NOL4L: variants seen among roughly 807,000 people sequenced by gnomAD.
The protein encoded by NOL4L is nucleolar protein 4-like.
Under a neutral mutation model 64.5 loss-of-function variants are expected in NOL4L, and 7 were observed. The observed-to-expected ratio is 0.11, with a 90% CI of 0.06 to 0.20. NOL4L has a LOEUF of 0.20. Ranked by LOEUF, NOL4L falls within the 10% of genes least tolerant of loss-of-function variation. NOL4L has a pLI of 1.00. For synonymous variants in NOL4L, 413 were observed against 401.0 expected (o/e 1.03, Z -0.36); for missense variants, 680 against 967.1 (o/e 0.70, Z 3.94).
chr20:32,555,940 CCT>C (rs1978619632), intron 1 of NOL4L, among the ~76,000 whole-genome samples: 1 of 151,918 alleles, frequency 6.6e-6, no homozygotes, highest in African/African-American at 2.4e-5. Context: ...AAGCTGAGAC[CCT>C]GTGAATGCTC....
chr20:32,525,786 C>G (rs2018111038), intron 2 of NOL4L, among the ~76,000 whole-genome samples: 1 of 152,234 alleles, frequency 6.6e-6, no homozygotes, highest in Admixed American at 6.5e-5. Context: ...GAGACAGAGT[C>G]TCACTCTGTC....
chr20:32,551,316 C>T (rs2018798292), intron 1 of NOL4L, among the ~76,000 whole-genome samples: 1 of 152,006 alleles, frequency 6.6e-6, no homozygotes, highest in South Asian at 2.1e-4. Flanking sequence ...GCGGAGGTTG[C>T]AGTGAGCCAA....
chr20:32,529,852 T>C (rs1238012421), intron 1 of NOL4L, among the ~76,000 whole-genome samples: 2 of 152,250 alleles, frequency 1.3e-5, no homozygotes, highest in East Asian at 1.9e-4. Flanking sequence ...TCCAGCTTCC[T>C]CGCTGTGAGA....
chr20:32,538,645 C>T (rs1367897723), intron 1 of NOL4L, among the ~76,000 whole-genome samples: 1 of 152,136 alleles, frequency 6.6e-6, no homozygotes, highest in Non-Finnish European at 1.5e-5. Context: ...TGGGGCTGCT[C>T]CACTCTGGGA....
At chr20:32,472,529 T>C (rs1008401951) in intron 5 of NOL4L, among the ~76,000 whole-genome samples, 1 of 152,136 alleles carries the variant, frequency 6.6e-6, no homozygotes, top group African/African-American at 2.4e-5. Context: ...CTTGACTCAC[T>C]CATGGGAGCT....
chr20:32,456,431 AG>A, intron 5 of NOL4L, 36 bp from the exon 6 acceptor site: 1 of 1,435,742 alleles, frequency 7.0e-7, no homozygotes, highest in Non-Finnish European at 9.2e-7. Context: ...GCCCCACCCA[AG>A]GCACTGTGGC....
chr20:32,536,812 GC>G (rs1196850326), intron 1 of NOL4L, among the ~76,000 whole-genome samples: 1 of 72,760 alleles, frequency 1.4e-5, no homozygotes. Flanking sequence ...GGGGGGGGGG[GC>G]GCACCAACGG....
At chr20:32,535,555 C>CT in intron 1 of NOL4L, 3 of 984,686 alleles carry the variant, frequency 3.0e-6, no homozygotes, top group Non-Finnish European at 3.6e-6. Context: ...CCAAGACCTC[C>CT]TTTCTGCTTC....
At chr20:32,567,622 G>C (rs866602307) in intron 1 of NOL4L, among the ~76,000 whole-genome samples, 1 of 152,334 alleles carries the variant, frequency 6.6e-6, no homozygotes, top group Middle Eastern at 3.4e-3. Context: ...GGGAGCAGCT[G>C]CTGGTCAGCC....
intron 4 of NOL4L, among the ~76,000 whole-genome samples, chr20:32,494,747 G>A (rs2016619061): frequency 6.6e-6 from 1 of 152,224 alleles, no homozygotes; most frequent in African/African-American, 2.4e-5. Flanking sequence ...ATGTGGACAA[G>A]GTTGGAGCAA....
intron 5 of NOL4L, chr20:32,465,162 A>G: frequency 2.1e-6 from 1 of 481,580 alleles, no homozygotes; most frequent in East Asian, 3.5e-5. Context: ...GTGGACACCA[A>G]TTATGCGTCA....
chr20:32,494,266 A>AC (rs2016587120), intron 4 of NOL4L, among the ~76,000 whole-genome samples: 1 of 141,084 alleles, frequency 7.1e-6, no homozygotes, highest in African/African-American at 2.8e-5. Context: ...AAAAAAAAAA[A>AC]AAAAAAAAAA....
intron 4 of NOL4L, chr20:32,475,075 G>A (rs2015299665): frequency 2.0e-6 from 2 of 985,466 alleles, no homozygotes; most frequent in Middle Eastern, 1.0e-3. Flanking sequence ...AACAAGGGCT[G>A]CCGCTCCCTG....
intron 2 of NOL4L, among the ~76,000 whole-genome samples, chr20:32,521,636 G>A (rs562998212): frequency 6.6e-6 from 1 of 152,276 alleles, no homozygotes; most frequent in South Asian, 2.1e-4. Flanking sequence ...GCAGAGGGCT[G>A]GGGGAGAGAC....
intron 4 of NOL4L, among the ~76,000 whole-genome samples, chr20:32,501,752 A>G (rs1195470200): frequency 6.6e-6 from 1 of 152,200 alleles, no homozygotes; most frequent in African/African-American, 2.4e-5. Context: ...CCTTTTTAAG[A>G]CTCAAATGCA....
Position 32,453,534 on chromosome 20 carries a change from C to T in NOL4L, c.1306-39G>A. 1 of 1,613,598 alleles carries T rather than the reference C, an allele frequency of 6.2e-7. No individual in the cohort carries two copies. Among genetic ancestry groups the T allele is most frequent in the African/African-American group, 1.3e-5 (1 of 75,044 alleles). On this transcript the variant is annotated intron_variant, in intron 7 of 10. Coordinates refer to ENST00000621426, the MANE Select transcript of NOL4L (RefSeq NM_001256798.2). This position sits in a 1 kb window ranked among gnomAD's most constrained non-coding sequence, Gnocchi z 5.6. ...GGCCATGGGAAGGGCTGGCCCTGGC[C>T]TTGCCCCCATCCCACCCCACCTGTT...
At chr20:32,466,816 C>G (rs1024800247) in intron 5 of NOL4L, among the ~76,000 whole-genome samples, 2 of 152,198 alleles carry the variant, frequency 1.3e-5, no homozygotes, top group Non-Finnish European at 2.9e-5. Context: ...CACAGGCCAG[C>G]CCAGGGAGGC....
intron 1 of NOL4L, among the ~76,000 whole-genome samples, chr20:32,553,734 C>T (rs1978456926): frequency 6.6e-6 from 1 of 152,154 alleles, no homozygotes; most frequent in Non-Finnish European, 1.5e-5. Context: ...AAAACTGGGT[C>T]TTATGAAACT....
intron 5 of NOL4L, among the ~76,000 whole-genome samples, chr20:32,471,403 A>AG (rs1156762763): frequency 6.6e-6 from 1 of 151,498 alleles, no homozygotes; most frequent in Non-Finnish European, 1.5e-5. Context: ...AGAAGCTCAG[A>AG]GGCAAGCTCC....
Sources: allele counts gnomAD v4.1 joint callset (sites outside exome capture counted in the v4.1 genomes callset), GRCh38; gene constraint gnomAD v4.1.1; non-coding constraint Gnocchi (gnomAD v3.1); transcripts MANE v1.5; gene names NCBI Gene and HGNC (gene_info 2026-07-23, HGNC 2026-07-21).